The following TRPM3 variants were observed in gnomAD, a reference collection of about 807,000 sequenced individuals.
TRPM3 encodes the protein transient receptor potential cation channel subfamily M member 3, also known as long transient receptor potential channel 3.
Under a neutral mutation model 181.2 loss-of-function variants are expected in TRPM3, and 77 were observed. That is an observed-to-expected ratio of 0.42 (90% CI 0.35 to 0.51). TRPM3 has a LOEUF of 0.51. Among genes scored for constraint, TRPM3 ranks in the 20% least tolerant of loss-of-function variants. TRPM3 has a pLI of 0.01. For missense variants in TRPM3, 1,759 were observed against 2,196.7 expected (o/e 0.80, Z 3.98); for synonymous variants, 745 against 796.4 (o/e 0.94, Z 1.09).
At chr9:70,977,459 C>T (rs2097316001) in intron 1 of TRPM3, among the ~76,000 whole-genome samples, 1 of 152,220 alleles carries the variant, frequency 6.6e-6, no homozygotes, top group East Asian at 1.9e-4. Context: ...TTTACCCACA[C>T]CACTTCTGAC....
At chr9:71,218,997 A>T (rs1195998048) in intron 1 of TRPM3, among the ~76,000 whole-genome samples, 1 of 152,240 alleles carries the variant, frequency 6.6e-6, no homozygotes, top group Non-Finnish European at 1.5e-5. Context: ...CTAAGTGCTT[A>T]CCAGGCAAGG....
intron 19 of TRPM3, among the ~76,000 whole-genome samples, chr9:70,606,417 A>ACAT (rs2061121753): frequency 6.6e-6 from 1 of 151,738 alleles, no homozygotes; most frequent in African/African-American, 2.4e-5. Context: ...CCTGTTTTTT[A>ACAT]CATCACAGTT....
chr9:71,195,045 C>A (rs1433261019), intron 1 of TRPM3, among the ~76,000 whole-genome samples: 3 of 151,898 alleles, frequency 2.0e-5, no homozygotes, highest in Admixed American at 2.0e-4. Flanking sequence ...TAAAGAATAT[C>A]GTTTTAACCC....
At chr9:71,187,237 A>G (rs1391051836) in intron 1 of TRPM3, among the ~76,000 whole-genome samples, 1 of 151,988 alleles carries the variant, frequency 6.6e-6, no homozygotes, top group South Asian at 2.1e-4. Context: ...GTTAATCTAC[A>G]TTCAAGAGGA....
intron 1 of TRPM3, among the ~76,000 whole-genome samples, chr9:71,368,081 AGTAACCAGG>A (rs2092398742): frequency 6.6e-6 from 1 of 151,998 alleles, no homozygotes; most frequent in Admixed American, 6.5e-5. Flanking sequence ...AAGAAGTTTC[AGTAACCAGG>A]GTTACACCTA....
Position 71,384,046 on chromosome 9 carries a change from C to T in TRPM3, c.183+62607G>A, listed in dbSNP as rs111587997. On this transcript the variant is annotated intron_variant, in intron 1 of 24. Transcript: ENST00000357533. ...CTTTGACTATTCTTCCATTCCATGA[C>T]GCTGTAATAAATCCTGTCTTTTGAT... 1.2e-3 allele frequency among the ~76,000 whole-genome samples: 188 copies of T among 152,276 alleles called. 1 individual carries two copies. The highest frequency in any genetic ancestry group is 6.8e-3 in the Middle Eastern group (2 of 294).
chr9:70,866,159 T>C (rs565139630), intron 1 of TRPM3, among the ~76,000 whole-genome samples: 1 of 152,214 alleles, frequency 6.6e-6, no homozygotes, highest in African/African-American at 2.4e-5. Flanking sequence ...AATACTTTCA[T>C]TGATAATATC....
At position 70,640,734 on chromosome 9, in the gene TRPM3, C is replaced by T. The variant is rs184055169; in HGVS notation, c.1346-74G>A. On this transcript the variant is annotated intron_variant, in intron 9 of 25. Coordinates refer to ENST00000677713, the MANE Select transcript of TRPM3 (RefSeq NM_001366145.2). ...TCAGTTATTACACCAAGAGCGCCTG[C>T]TCCATCCCTCTGCCATTAATGCCCC... 1,615 of 1,140,622 alleles carry T rather than the reference C, an allele frequency of 1.4e-3. 1 individual carries two copies. Among genetic ancestry groups the T allele is most frequent in the Non-Finnish European group, 1.9e-3 (1,484 of 772,582 alleles). The allele number at this position is 1,140,622 out of a possible 1,614,324, so 70.7% of individuals were successfully genotyped here.
chr9:71,085,078 C>T (rs566416235), intron 1 of TRPM3, among the ~76,000 whole-genome samples: 122 of 151,988 alleles, frequency 8.0e-4, no homozygotes, highest in African/African-American at 2.3e-3. Context: ...GCCAGCCATA[C>T]GCAGTAGAAT....
Position 71,076,793 on chromosome 9 carries a change from C to T in TRPM3, c.177+44385G>A, listed in dbSNP as rs75830744. 5.7e-3 allele frequency among the ~76,000 whole-genome samples: 863 copies of T among 152,238 alleles called. 9 individuals carry two copies. The highest frequency in any genetic ancestry group is 0.02 in the African/African-American group (823 of 41,530). ...TTGGAAATGTGAATTGTATCTGTGG[C>T]TGGATCCCAGGCATTAGGTACAGTG... On this transcript the variant is annotated intron_variant, in intron 1 of 25. Transcript: ENST00000677713.
At chr9:70,992,043 A>C (rs2097491772) in intron 1 of TRPM3, among the ~76,000 whole-genome samples, 1 of 152,088 alleles carries the variant, frequency 6.6e-6, no homozygotes, top group Non-Finnish European at 1.5e-5. Context: ...ACTCAGGACA[A>C]TCACTCATTT....
intron 1 of TRPM3, among the ~76,000 whole-genome samples, chr9:71,328,285 T>G (rs533573384): frequency 6.6e-6 from 1 of 152,100 alleles, no homozygotes; most frequent in South Asian, 2.1e-4. Context: ...TGCCTCAGCC[T>G]CCGGAGAAGC....
At chr9:70,686,119 TAC>T (rs891863837) in intron 8 of TRPM3, among the ~76,000 whole-genome samples, 23 of 151,512 alleles carry the variant, frequency 1.5e-4, no homozygotes, top group South Asian at 1.5e-3. Context: ...TGTGTATATA[TAC>T]ACACACATAT....
chr9:71,317,578 T>A (rs2088738150), intron 1 of TRPM3, among the ~76,000 whole-genome samples: 1 of 151,320 alleles, frequency 6.6e-6, no homozygotes, highest in African/African-American at 2.4e-5. Flanking sequence ...GAGGCAGAGG[T>A]TGCAGTAAGC....
chr9:71,331,656 A>AG (rs2090122129), intron 1 of TRPM3, among the ~76,000 whole-genome samples: 1 of 147,332 alleles, frequency 6.8e-6, no homozygotes. Context: ...GAAGAAGAGG[A>AG]GAGGGAAGAG....
chr9:70,942,731 G>A (rs2096897726), intron 1 of TRPM3, among the ~76,000 whole-genome samples: 2 of 152,090 alleles, frequency 1.3e-5, no homozygotes, highest in Admixed American at 1.3e-4. Context: ...ATGTGCTATT[G>A]GGCAAACCAT....
chr9:70,535,721 C>T lies in TRPM3; in HGVS notation c.*232G>A, dbSNP rs1285629556. 5 of 1,437,532 alleles carry T rather than the reference C, an allele frequency of 3.5e-6. No individual in the cohort carries two copies. Among genetic ancestry groups the T allele is most frequent in the East Asian group, 2.5e-5 (1 of 40,128 alleles). The allele number at this position is 1,437,532 out of a possible 1,614,324, so 89.0% of individuals were successfully genotyped here. A position where few individuals can be genotyped will look rare whatever the true frequency, so the allele number is the denominator to read the frequency against. Reference sequence around the variant, plus strand: ...CTTCTCCCTCTCTTCCCCCTCCCTGCCCAGCAAGTGTGAACATGCCTTAAA... The same window carrying T: ...CTTCTCCCTCTCTTCCCCCTCCCTGTCCAGCAAGTGTGAACATGCCTTAAA... On this transcript the variant is annotated 3_prime_UTR_variant, in exon 26 of 26. Coordinates refer to ENST00000677713, the MANE Select transcript of TRPM3 (RefSeq NM_001366145.2).
At chr9:70,568,649 T>TG (rs1328324768) in intron 22 of TRPM3, among the ~76,000 whole-genome samples, 1 of 152,170 alleles carries the variant, frequency 6.6e-6, no homozygotes, top group Non-Finnish European at 1.5e-5. Context: ...GAAACACAAA[T>TG]AGGCAAGTAA....
chr9:71,284,021 C>T (rs1408126184), intron 1 of TRPM3, among the ~76,000 whole-genome samples: 4 of 152,200 alleles, frequency 2.6e-5, no homozygotes, highest in Non-Finnish European at 5.9e-5. Context: ...CTGATATGAG[C>T]CCTGGTTCTG....
Sources: allele counts gnomAD v4.1 joint callset (sites outside exome capture counted in the v4.1 genomes callset), GRCh38; gene constraint gnomAD v4.1.1; transcripts MANE v1.5; gene names NCBI Gene and HGNC (gene_info 2026-07-23, HGNC 2026-07-21).